TRDN: variants seen among roughly 807,000 people sequenced by gnomAD.
The protein encoded by TRDN is triadin.
In TRDN, 161 loss-of-function variants were observed where a neutral mutation model predicts 149.7. The observed-to-expected ratio is 1.08, with a 90% confidence interval of 0.95 to 1.23. The LOEUF (loss-of-function observed/expected upper bound fraction) is 1.23, where lower values mean the gene tolerates loss of function less well. Ranked by LOEUF, TRDN falls within the 50% of genes most tolerant of loss-of-function variation. The pLI is 0.00. For synonymous variants in TRDN, 294 were observed against 250.5 expected, an observed-to-expected ratio of 1.17 and a Z score of -1.64; for missense variants, 896 against 823.5, an observed-to-expected ratio of 1.09 and a Z score of -1.08.
chr6:123,237,902 T>C (rs551034029), intron 38 of TRDN, among the ~76,000 whole-genome samples: 1 of 152,118 alleles, frequency 6.6e-6, no homozygotes, highest in African/African-American at 2.4e-5. Flanking sequence ...AGAAAAGATA[T>C]ATTACACAGG....
At chr6:123,529,540 T>C in intron 5 of TRDN, 1 of 584,344 alleles carries the variant, frequency 1.7e-6, no homozygotes, top group South Asian at 1.8e-5. Flanking sequence ...AGCAACAACA[T>C]GGCATTGTAT....
At chr6:123,229,675 A>G (rs932558281) in intron 38 of TRDN, among the ~76,000 whole-genome samples, 3 of 151,894 alleles carry the variant, frequency 2.0e-5, no homozygotes, top group Non-Finnish European at 4.4e-5. Flanking sequence ...GAAGACACAG[A>G]TGATTTAAAG....
chr6:123,220,589 A>G (rs1775111120), intron 40 of TRDN, among the ~76,000 whole-genome samples: 1 of 151,790 alleles, frequency 6.6e-6, no homozygotes, highest in Non-Finnish European at 1.5e-5. Flanking sequence ...TGTCTTATCT[A>G]CTGCAGTAGT....
rs775698443 is a variant in TRDN, at chr6:123,218,631, A to C, written c.2160T>G (p.Asn720Lys). Residue 720 changes from asparagine to lysine, a missense_variant, in exon 41 of 41, where the codon AAT (asparagine) becomes AAG (lysine). Asn to Lys is a moderately conservative substitution (Grantham distance 94, BLOSUM62 0). Transcript: ENST00000334268. ...GTCCTTGTTGCTTCTGTCCTGGAGA[A>C]TTTGCTTGACCAGAGCTCTCTCCAG... is the stretch of plus-strand genomic sequence containing the variant. Reference protein sequence around the residue: ...DRPGESSGQANSPGQKQQGQ With the variant: ...DRPGESSGQAKSPGQKQQGQ 2 of 1,611,746 alleles carry C rather than the reference A, an allele frequency of 1.2e-6. No homozygotes were observed. The highest frequency in any genetic ancestry group is 1.7e-6 in the Non-Finnish European group (2 of 1,178,602).
chr6:123,437,741 G>A (rs1774648501), intron 12 of TRDN, among the ~76,000 whole-genome samples: 2 of 152,032 alleles, frequency 1.3e-5, no homozygotes, highest in Non-Finnish European at 2.9e-5. Context: ...AAGACTGAAA[G>A]TTTACGTTTT....
chr6:123,600,865 C>T (rs1211322980), intron 1 of TRDN, among the ~76,000 whole-genome samples: 2 of 152,036 alleles, frequency 1.3e-5, no homozygotes, highest in East Asian at 1.9e-4. Context: ...TTGTTTAGCA[C>T]AATTACATCT....
intron 5 of TRDN, among the ~76,000 whole-genome samples, chr6:123,518,058 AAATTCT>A (rs1779496707): frequency 6.6e-6 from 1 of 152,266 alleles, no homozygotes; most frequent in African/African-American, 2.4e-5. Context: ...TCGTCTAGTT[AAATTCT>A]ATTTATGGAT....
At chr6:123,602,195 A>C (rs1262582469) in intron 1 of TRDN, among the ~76,000 whole-genome samples, 1 of 152,092 alleles carries the variant, frequency 6.6e-6, no homozygotes, top group African/African-American at 2.4e-5. Flanking sequence ...AATGCCCATC[A>C]ACCAACAAAT....
intron 2 of TRDN, among the ~76,000 whole-genome samples, chr6:123,549,286 T>C (rs995757155): frequency 6.6e-6 from 1 of 151,964 alleles, no homozygotes; most frequent in African/African-American, 2.4e-5. Context: ...AAATGAAAGA[T>C]TGAATCATAA....
At chr6:123,455,727 A>T (rs914862950) in intron 10 of TRDN, among the ~76,000 whole-genome samples, 1 of 152,192 alleles carries the variant, frequency 6.6e-6, no homozygotes, top group South Asian at 2.1e-4. Context: ...CTTACTCAAG[A>T]TGTTTTATTG....
intron 39 of TRDN, 45 bp from the exon 40 acceptor site, chr6:123,221,567 A>G (rs1403890878): frequency 1.6e-6 from 2 of 1,285,098 alleles, no homozygotes; most frequent in South Asian, 2.6e-5. Flanking sequence ...TACATTTACA[A>G]CTTTTATATA....
intron 23 of TRDN, among the ~76,000 whole-genome samples, chr6:123,317,027 T>A (rs1459659513): frequency 6.6e-6 from 1 of 151,706 alleles, no homozygotes; most frequent in Non-Finnish European, 1.5e-5. Context: ...ATATAGACAA[T>A]TGTGACATAA....
chr6:123,256,651 T>G (rs1239384639), intron 35 of TRDN, among the ~76,000 whole-genome samples: 4 of 152,092 alleles, frequency 2.6e-5, no homozygotes, highest in Non-Finnish European at 5.9e-5. Flanking sequence ...CAACCACTTT[T>G]TGATGGGGTT....
chr6:123,299,541 C>G (rs1461509421), intron 24 of TRDN, among the ~76,000 whole-genome samples: 1 of 151,864 alleles, frequency 6.6e-6, no homozygotes, highest in Non-Finnish European at 1.5e-5. Context: ...ATTTGAGCAG[C>G]AAGTAAAAGA....
chr6:123,581,470 A>G (rs1384274689), intron 1 of TRDN, among the ~76,000 whole-genome samples: 1 of 152,194 alleles, frequency 6.6e-6, no homozygotes, highest in Non-Finnish European at 1.5e-5. Flanking sequence ...AGGCCCCAAT[A>G]GTTATTAAAT....
chr6:123,356,681 T>C (rs1448343830), intron 20 of TRDN, among the ~76,000 whole-genome samples: 1 of 150,076 alleles, frequency 6.7e-6, no homozygotes, highest in Non-Finnish European at 1.5e-5. Context: ...ATGTTTGAAA[T>C]AATTCACCAG....
chr6:123,458,834 T>C (rs1233960229), intron 10 of TRDN, among the ~76,000 whole-genome samples: 1 of 151,748 alleles, frequency 6.6e-6, no homozygotes, highest in African/African-American at 2.4e-5. Flanking sequence ...TTGATGAGTA[T>C]TATCAGAAAT....
intron 9 of TRDN, among the ~76,000 whole-genome samples, chr6:123,493,231 G>A (rs1778298600): frequency 6.6e-6 from 1 of 152,064 alleles, no homozygotes; most frequent in African/African-American, 2.4e-5. Flanking sequence ...TATAGAGTAA[G>A]TCAGTACAAG....
chr6:123,563,894 G>A (rs1332962171), intron 2 of TRDN, among the ~76,000 whole-genome samples: 1 of 152,206 alleles, frequency 6.6e-6, no homozygotes, highest in East Asian at 1.9e-4. Context: ...TACAACATCC[G>A]CCTGCTGGGC....
Sources: gnomAD v4.1 joint callset for allele counts (sites outside exome capture counted in the v4.1 genomes callset) on GRCh38, gnomAD v4.1.1 for gene constraint, MANE v1.5 for transcripts, NCBI Gene and HGNC (gene_info 2026-07-23, HGNC 2026-07-21) for gene names.